Variants in IGF2BP1 observed in about 807,000 individuals in gnomAD.
IGF2BP1 encodes insulin like growth factor 2 mRNA binding protein 1, also known as insulin-like growth factor 2 mRNA-binding protein 1.
Under a neutral mutation model 74.9 loss-of-function variants are expected in IGF2BP1, and 11 were observed. That is an observed-to-expected ratio of 0.15 (90% CI 0.09 to 0.24). The LOEUF (loss-of-function observed/expected upper bound fraction) is 0.24, where lower values mean the gene tolerates loss of function less well. IGF2BP1 is among the 10% of genes least tolerant of loss of function. IGF2BP1 has a pLI of 1.00. For missense variants in IGF2BP1, 440 were observed against 757.4 expected, an observed-to-expected ratio of 0.58 and a Z score of 4.92; for synonymous variants, 287 against 281.8, an observed-to-expected ratio of 1.02 and a Z score of -0.18.
At chr17:49,021,986 C>T (rs1229889565) in intron 2 of IGF2BP1, among the ~76,000 whole-genome samples, 3 of 152,238 alleles carry the variant, frequency 2.0e-5, no homozygotes, top group Admixed American at 6.5e-5. Flanking sequence ...CTATTGTCAG[C>T]CCTACCCGCC....
intron 2 of IGF2BP1, among the ~76,000 whole-genome samples, chr17:49,001,327 C>G (rs1284169493): frequency 1.3e-5 from 2 of 152,130 alleles, no homozygotes; most frequent in African/African-American, 4.8e-5. Context: ...AACAACTATA[C>G]AAATAATATT....
intron 12 of IGF2BP1, 147 bp from the exon 13 acceptor site, chr17:49,045,743 G>A (rs1260778247): frequency 2.8e-6 from 2 of 720,486 alleles, no homozygotes; most frequent in Admixed American, 6.0e-5. Flanking sequence ...CCTGAGCCTT[G>A]CCCTTCACCT....
At chr17:49,036,376 C>T (rs1210071012) in intron 5 of IGF2BP1, 2 of 151,910 alleles carry the variant, frequency 1.3e-5, no homozygotes, top group Admixed American at 1.3e-4. Context: ...AGCACATATA[C>T]TAAAATTGGA....
intron 2 of IGF2BP1, among the ~76,000 whole-genome samples, chr17:49,005,445 G>T (rs1486811660): frequency 6.6e-6 from 1 of 152,224 alleles, no homozygotes; most frequent in Non-Finnish European, 1.5e-5. Context: ...TGAGTGGATT[G>T]TGCAGATATT....
chr17:49,013,253 G>T (rs2041644063), intron 2 of IGF2BP1, among the ~76,000 whole-genome samples: 1 of 152,180 alleles, frequency 6.6e-6, no homozygotes, highest in South Asian at 2.1e-4. Flanking sequence ...CTGCATGGGG[G>T]CGAGTATGAC....
intron 2 of IGF2BP1, chr17:49,012,880 C>G (rs1304883096): frequency 6.6e-6 from 1 of 152,180 alleles, no homozygotes; most frequent in African/African-American, 2.4e-5. Context: ...CAGGCACCAG[C>G]CACCGCGCCT....
intron 4 of IGF2BP1, among the ~76,000 whole-genome samples, chr17:49,031,158 A>AC (rs2041916907): frequency 6.6e-6 from 1 of 151,380 alleles, no homozygotes; most frequent in African/African-American, 2.4e-5. Flanking sequence ...TCACTCTATC[A>AC]CCCCGGCTGG....
intron 4 of IGF2BP1, among the ~76,000 whole-genome samples, chr17:49,027,706 G>A (rs376776849): frequency 2.8e-3 from 426 of 151,946 alleles, no homozygotes; most frequent in African/African-American, 9.9e-3. Flanking sequence ...TAAAAAATTA[G>A]CCGGGCGTGG....
intron 2 of IGF2BP1, among the ~76,000 whole-genome samples, chr17:49,009,353 T>G (rs1034246224): frequency 3.9e-5 from 5 of 128,292 alleles, no homozygotes; most frequent in Non-Finnish European, 6.5e-5. Context: ...TTAACAGATA[T>G]TTCAGATATT....
Position 49,045,059 on chromosome 17 carries a change from A to G in IGF2BP1, c.1389A>G (p.Gln463=), listed in dbSNP as rs1034587086. The change falls in exon 12 of 15, where the codon CAA becomes CAG. Residue 463 remains glutamine (Q), a synonymous_variant. Coordinates refer to ENST00000290341, the MANE Select transcript of IGF2BP1 (RefSeq NM_006546.4). ...MVIITGPPEA[Q]FKAQGRIYGK... Reference sequence around the variant, plus strand: ...TCATCACTGGACCGCCAGAGGCCCAATTCAAGGTTTTGGTCTTTATTGTTT... The same window carrying G: ...TCATCACTGGACCGCCAGAGGCCCAGTTCAAGGTTTTGGTCTTTATTGTTT... 5 of 1,613,908 alleles carry G rather than the reference A, an allele frequency of 3.1e-6. No homozygotes were observed. The highest frequency in any genetic ancestry group is 2.2e-5 in the East Asian group (1 of 44,874).
At chr17:49,019,538 TACCA>T (rs1330818485) in intron 2 of IGF2BP1, among the ~76,000 whole-genome samples, 5 of 152,004 alleles carry the variant, frequency 3.3e-5, no homozygotes, top group African/African-American at 1.2e-4. Context: ...CCCCTCTGTG[TACCA>T]TCCATCACTT....
rs148770571 is a variant in IGF2BP1 at position 49,048,630 on chromosome 17, G to A, written c.1642-722G>A. Among the ~76,000 whole-genome samples the A allele has an allele frequency of 2.6e-3, 393 of 152,032 alleles. 3 individuals are homozygous for A. The highest frequency in any genetic ancestry group is 8.8e-3 in the African/African-American group (365 of 41,482). Reference sequence around the variant, plus strand: ...TTTGTGATGATGTCTTCTAAGTTACGACCCTCTACAACAGGAGTCCCCAAA... The same window carrying A: ...TTTGTGATGATGTCTTCTAAGTTACAACCCTCTACAACAGGAGTCCCCAAA... On this transcript the variant is annotated intron_variant, in intron 14 of 14. Coordinates refer to ENST00000290341, the MANE Select transcript of IGF2BP1 (RefSeq NM_006546.4).
intron 2 of IGF2BP1, among the ~76,000 whole-genome samples, chr17:49,019,977 TACACCC>T (rs2041769325): frequency 1.9e-5 from 1 of 51,728 alleles, no homozygotes; most frequent in South Asian, 6.6e-4. Flanking sequence ...CACACACACA[TACACCC>T]ACACATATAT....
At position 49,055,392 on chromosome 17, in the gene IGF2BP1, C is replaced by T; in HGVS notation, c.*5948C>T. The T allele has an allele frequency of 2.8e-6, 1 of 357,426 alleles. No homozygotes were observed. Among genetic ancestry groups the T allele is most frequent in the Non-Finnish European group, 5.0e-6 (1 of 200,012 alleles). The allele number at this position is 357,426 out of a possible 1,614,324, so 22.1% of individuals were successfully genotyped here. The stretch of plus-strand genomic sequence containing the variant: ...GCCAGTGAGTCCTTCCTGTGCTTCT[C>T]TCCCTTCTCCCCTCCCAGCCAGCTG... On this transcript the variant is annotated 3_prime_UTR_variant, in exon 15 of 15. Transcript: ENST00000290341.
intron 5 of IGF2BP1, 42 bp downstream of exon 5, chr17:49,032,015 G>A (rs778357471): frequency 1.3e-6 from 2 of 1,481,584 alleles, no homozygotes; most frequent in African/African-American, 1.4e-5. Context: ...GTGGGGGGGG[G>A]TTCTGTGAAG....
In IGF2BP1 at chr17:49,055,575, T is replaced by G. The variant is rs979521398; in HGVS notation, c.*6131T>G. 8 of 398,450 alleles carry G rather than the reference T, an allele frequency of 2.0e-5. No individual in the cohort carries two copies. The highest frequency in any genetic ancestry group is 1.4e-4 in the African/African-American group (7 of 48,650). 24.7% of individuals were successfully genotyped at this position (398,450 alleles called of 1,614,324 possible). On this transcript the variant is annotated 3_prime_UTR_variant, in exon 15 of 15. Coordinates refer to ENST00000290341, the MANE Select transcript of IGF2BP1 (RefSeq NM_006546.4). ...GTGCAGATTTTATGTTAGCCACTGC[T>G]ATGTAAAAGCACGTTCAAAATGAAT...
chr17:49,053,899 C>T lies in IGF2BP1; in HGVS notation c.*4455C>T, dbSNP rs2042196252. On this transcript the variant is annotated 3_prime_UTR_variant, in exon 15 of 15. Transcript: ENST00000290341. Reference sequence around the variant, plus strand: ...AAACCACTCGACTGTTTGCCTGTTTCTTGAAAACCAGTAGAAGGGAAACAG... The same window carrying T: ...AAACCACTCGACTGTTTGCCTGTTTTTTGAAAACCAGTAGAAGGGAAACAG... The T allele has an allele frequency of 6.6e-6, 1 of 152,636 alleles. No individual in the cohort carries two copies. The highest frequency in any genetic ancestry group is 1.5e-5 in the Non-Finnish European group (1 of 68,044). 9.5% of individuals were successfully genotyped at this position (152,636 alleles called of 1,614,324 possible). A position where few individuals can be genotyped will look rare whatever the true frequency, so the allele number is the denominator to read the frequency against.
intron 2 of IGF2BP1, among the ~76,000 whole-genome samples, chr17:49,024,064 G>A (rs907280202): frequency 3.4e-5 from 5 of 145,714 alleles, no homozygotes; most frequent in East Asian, 2.0e-4. Flanking sequence ...TTACAGGCAC[G>A]TGCCACCACA....
At chr17:49,027,072 T>G (rs1020815125) in intron 4 of IGF2BP1, among the ~76,000 whole-genome samples, 1 of 152,208 alleles carries the variant, frequency 6.6e-6, no homozygotes, top group Non-Finnish European at 1.5e-5. Context: ...AAATCTACAT[T>G]GAAAACCAAA....
Sources: gnomAD v4.1 joint callset for allele counts (sites outside exome capture counted in the v4.1 genomes callset) on GRCh38, gnomAD v4.1.1 for gene constraint, MANE v1.5 for transcripts, NCBI Gene and HGNC (gene_info 2026-07-23, HGNC 2026-07-21) for gene names.